The following PRKCH variants were observed in gnomAD, a reference collection of about 807,000 sequenced individuals.
The protein encoded by PRKCH is protein kinase C eta type.
A neutral mutation model predicts 82.5 loss-of-function variants in PRKCH; 28 were observed. That is an observed-to-expected ratio of 0.34 (90% CI 0.25 to 0.47). The LOEUF (loss-of-function observed/expected upper bound fraction) is 0.47, where lower values mean the gene tolerates loss of function less well. Ranked by LOEUF, PRKCH falls within the 20% of genes least tolerant of loss-of-function variation. PRKCH has a pLI of 1.00. For synonymous variants in PRKCH, 322 were observed against 327.4 expected (o/e 0.98, Z 0.18); for missense variants, 705 against 881.8 (o/e 0.80, Z 2.54).
intron 10 of PRKCH, among the ~76,000 whole-genome samples, chr14:61,512,904 A>G (rs1827074716): frequency 6.6e-6 from 1 of 150,714 alleles, no homozygotes; most frequent in African/African-American, 2.5e-5. Context: ...ATATCCTCAA[A>G]CTCCTGGATT....
intron 2 of PRKCH, among the ~76,000 whole-genome samples, chr14:61,396,656 A>G (rs1333046774): frequency 2.0e-5 from 3 of 152,202 alleles, no homozygotes; most frequent in African/African-American, 7.2e-5. Flanking sequence ...GTGATGTTTA[A>G]AACAAGTCTG....
At chr14:61,233,565 C>T (rs1232474925) in intron 1 of PRKCH, among the ~76,000 whole-genome samples, 1 of 152,176 alleles carries the variant, frequency 6.6e-6, no homozygotes, top group Non-Finnish European at 1.5e-5. Context: ...TGTGTCTCCA[C>T]ACAAACCTCA....
At chr14:61,333,773 C>T (rs2045818964) in intron 1 of PRKCH, among the ~76,000 whole-genome samples, 1 of 152,148 alleles carries the variant, frequency 6.6e-6, no homozygotes, top group South Asian at 2.1e-4. Flanking sequence ...AAACTTTTCC[C>T]TTGTAAAAAG....
chr14:61,328,404 T>C (rs2045731545), intron 1 of PRKCH, among the ~76,000 whole-genome samples: 2 of 152,094 alleles, frequency 1.3e-5, no homozygotes, highest in South Asian at 4.1e-4. Context: ...TGTAATACGT[T>C]ATAACGTTTT....
chr14:61,252,038 C>G (rs2044951243), intron 1 of PRKCH, among the ~76,000 whole-genome samples: 2 of 152,130 alleles, frequency 1.3e-5, no homozygotes, highest in African/African-American at 4.8e-5. Flanking sequence ...CAGGGTTTCA[C>G]CATGTTGGTC....
chr14:61,411,700 G>A (rs1882278313), intron 2 of PRKCH, among the ~76,000 whole-genome samples: 1 of 152,180 alleles, frequency 6.6e-6, no homozygotes, highest in Non-Finnish European at 1.5e-5. Flanking sequence ...GGATCTGAGA[G>A]TCCAGAGAGA....
chr14:61,356,326 T>C (rs1390122861), intron 1 of PRKCH, among the ~76,000 whole-genome samples: 1 of 152,234 alleles, frequency 6.6e-6, no homozygotes, highest in Non-Finnish European at 1.5e-5. Flanking sequence ...GTACCCATTT[T>C]ATCCTTGTGC....
chr14:61,430,744 T>C (rs1341537242), intron 2 of PRKCH, among the ~76,000 whole-genome samples: 3 of 144,502 alleles, frequency 2.1e-5, no homozygotes, highest in Non-Finnish European at 4.6e-5. Context: ...CCTTAAGCTC[T>C]TAATCAGCAG....
intron 1 of PRKCH, among the ~76,000 whole-genome samples, chr14:61,215,929 A>C (rs1478335694): frequency 1.3e-5 from 2 of 152,172 alleles, no homozygotes; most frequent in Non-Finnish European, 2.9e-5. Context: ...GCTGCTTAGA[A>C]CTGGTAAGGG....
Position 61,234,717 on chromosome 14 carries a change from G to T in PRKCH, c.-19+47049G>T, listed in dbSNP as rs560763990. 1.2e-4 allele frequency among the ~76,000 whole-genome samples: 19 copies of T among 152,298 alleles called. 1 individual carries two copies. The South Asian group carries it at 2.3e-3, about 18-fold the overall frequency. On this transcript the variant is annotated intron_variant, in intron 1 of 3. Coordinates refer to the PRKCH transcript ENST00000555185. The stretch of plus-strand genomic sequence containing the variant: ...AAATTCATGCAATATCATCTGTTCT[G>T]GTTTTTTATAGCACTCTGAGCATTT...
intron 10 of PRKCH, among the ~76,000 whole-genome samples, chr14:61,496,249 T>C (rs763405553): frequency 6.6e-6 from 1 of 152,238 alleles, no homozygotes; most frequent in South Asian, 2.1e-4. Flanking sequence ...GTATGACAGT[T>C]GCACAAGGTA....
At chr14:61,263,849 G>T (rs1204168232) in intron 1 of PRKCH, among the ~76,000 whole-genome samples, 1 of 2,854 alleles carries the variant, frequency 3.5e-4, no homozygotes, top group African/African-American at 7.9e-4. Flanking sequence ...TCAGAGTATT[G>T]TGTGTGTGTG....
intron 2 of PRKCH, among the ~76,000 whole-genome samples, chr14:61,410,715 A>C (rs924420857): frequency 6.6e-6 from 1 of 152,178 alleles, no homozygotes; most frequent in East Asian, 1.9e-4. Flanking sequence ...AATTTCAAAG[A>C]TAAGCGTTAC....
intron 1 of PRKCH, among the ~76,000 whole-genome samples, chr14:61,199,970 G>T (rs1051102949): frequency 6.6e-6 from 1 of 152,186 alleles, no homozygotes; most frequent in African/African-American, 2.4e-5. Context: ...TCAAGGAACA[G>T]AAATATTCCT....
chr14:61,425,164 C>T (rs747246067), intron 2 of PRKCH, among the ~76,000 whole-genome samples: 58 of 152,342 alleles, frequency 3.8e-4, no homozygotes, highest in African/African-American at 1.4e-3. Flanking sequence ...TTGGAGCCCC[C>T]ACACAGAGAC....
At position 61,477,012 on chromosome 14, in the gene PRKCH, C is replaced by G. The variant is rs139867698; in HGVS notation, c.1279-8490C>G. On this transcript the variant is annotated intron_variant, in intron 9 of 13. Transcript: ENST00000332981. Reference sequence around the variant, plus strand: ...CATGCGGGTGCTTTTCCACTGTGACCTCTTTGACGTCAGTAACTGTTTCCT... The same window carrying G: ...CATGCGGGTGCTTTTCCACTGTGACGTCTTTGACGTCAGTAACTGTTTCCT... Among the ~76,000 whole-genome samples the G allele has an allele frequency of 4.9e-3, 742 of 152,266 alleles. 6 individuals are homozygous for G. The highest frequency in any genetic ancestry group is 0.016 in the African/African-American group (677 of 41,548).
chr14:61,310,124 A>G (rs2045511417), intron 1 of PRKCH, among the ~76,000 whole-genome samples: 2 of 152,096 alleles, frequency 1.3e-5, no homozygotes, highest in Non-Finnish European at 2.9e-5. Context: ...ACAGAGCCAA[A>G]CCATATCATT....
At chr14:61,541,291 G>A (rs2043181653) in intron 12 of PRKCH, among the ~76,000 whole-genome samples, 1 of 152,272 alleles carries the variant, frequency 6.6e-6, no homozygotes, top group African/African-American at 2.4e-5. Context: ...CATGCGTGGT[G>A]TGCTTCTCGT....
At chr14:61,188,704 A>AGTGTGTGTGTGTGTGTGTGTGTGTGT (rs754540967) in intron 1 of PRKCH, among the ~76,000 whole-genome samples, 4 of 87,890 alleles carry the variant, frequency 4.6e-5, no homozygotes, top group South Asian at 4.5e-4. Flanking sequence ...ACGTTGCTGT[A>AGTGTGTGTGTGTGTGTGTGTGTGTGT]GTGTGTGTGT....
Sources: allele counts gnomAD v4.1 joint callset (sites outside exome capture counted in the v4.1 genomes callset), GRCh38; gene constraint gnomAD v4.1.1; transcripts MANE v1.5; gene names NCBI Gene and HGNC (gene_info 2026-07-23, HGNC 2026-07-21).